DSP: variants seen among roughly 807,000 people sequenced by gnomAD.
DSP encodes 250/210 kDa paraneoplastic pemphigus antigen.
A neutral mutation model predicts 290.6 loss-of-function variants in DSP; 114 were observed. The observed-to-expected ratio is 0.39, with a 90% CI of 0.34 to 0.46. The LOEUF (loss-of-function observed/expected upper bound fraction) is 0.46, where lower values mean the gene tolerates loss of function less well. Ranked by LOEUF, DSP falls within the 20% of genes least tolerant of loss-of-function variation. The pLI, the probability that DSP is intolerant of heterozygous loss-of-function variation, is 0.99. For synonymous variants in DSP, 1,311 were observed against 1,316.4 expected (o/e 1.00, Z 0.09); for missense variants, 3,230 against 3,495.8 (o/e 0.92, Z 1.92).
At chr6:7,548,406 C>T (rs1758234034) in intron 1 of DSP, among the ~76,000 whole-genome samples, 1 of 152,216 alleles carries the variant, frequency 6.6e-6, no homozygotes, top group Admixed American at 6.5e-5. Flanking sequence ...GGTGTTCTAC[C>T]TGTCACAGAG....
At chr6:7,558,331 C>G in intron 3 of DSP, 67 bp downstream of exon 3, 1 of 1,565,526 alleles carries the variant, frequency 6.4e-7, no homozygotes. Flanking sequence ...CAGTTACACT[C>G]AATTCCATGA....
rs776712810 is a variant in DSP at position 7,581,196 on chromosome 6, T to C, written c.5006T>C (p.Leu1669Pro). Residue 1669 changes from leucine to proline, a missense_variant, in exon 23 of 24, where the codon CTC (leucine) becomes CCC (proline). Transcript: ENST00000379802. ...SEVEALRRQLLQEQESVKQAH... is the reference protein window; with the variant it reads ...SEVEALRRQLPQEQESVKQAH... ...GTCGAGGCCCTGAGGCGGCAGTTAC[T>C]CCAGGAACAGGAAAGTGTCAAACAA... 2 of 1,614,060 alleles carry C rather than the reference T, an allele frequency of 1.2e-6. No individual in the cohort carries two copies. The highest frequency in any genetic ancestry group is 8.5e-7 in the Non-Finnish European group (1 of 1,180,028).
intron 12 of DSP, among the ~76,000 whole-genome samples, chr6:7,569,581 T>G (rs897263268): frequency 1.3e-5 from 2 of 152,244 alleles, no homozygotes; most frequent in Non-Finnish European, 2.9e-5. Context: ...ATGCCTGTAA[T>G]CCCAGCACTT....
In DSP at chr6:7,574,483, G is replaced by C. The variant is rs1343143070; in HGVS notation, c.2298-174G>C. On this transcript the variant is annotated intron_variant, in intron 16 of 23. Coordinates refer to ENST00000379802, the MANE Select transcript of DSP (RefSeq NM_004415.4). The stretch of plus-strand genomic sequence containing the variant: ...TTATGCTCTAAGGGCCAGAACTTGA[G>C]AATTCTTCAGCGAATACAAAATGTT... 4.6e-5 allele frequency among the ~76,000 whole-genome samples: 7 copies of C among 152,166 alleles called. 1 individual carries two copies. Among genetic ancestry groups the C allele is most frequent in the Admixed American group, 3.3e-4 (5 of 15,286 alleles).
At chr6:7,575,032 G>C (rs1273354951) in intron 17 of DSP, among the ~76,000 whole-genome samples, 1 of 152,114 alleles carries the variant, frequency 6.6e-6, no homozygotes, top group African/African-American at 2.4e-5. Flanking sequence ...AGTTAAACTG[G>C]TTTCTTTACT....
Position 7,570,443 on chromosome 6 carries a change from G to A in DSP, c.1581G>A (p.Glu527=). Residue 527 remains glutamate, a synonymous_variant, in exon 13 of 24, where the codon GAG becomes GAA. Transcript: ENST00000379802. ...PLAVDLSCKI[E]QYYEAILALW... is the part of the protein sequence containing the mutation. Reference sequence around the variant, plus strand: ...TTCCCTTTGTGCCTCTTAGGATTGAGCAGTACTACGAAGCCATCTTGGCTC... The same window carrying A: ...TTCCCTTTGTGCCTCTTAGGATTGAACAGTACTACGAAGCCATCTTGGCTC... 1 of 1,614,162 alleles carries A rather than the reference G, an allele frequency of 6.2e-7. No individual in the cohort carries two copies. Among genetic ancestry groups the A allele is most frequent in the South Asian group, 1.1e-5 (1 of 91,082 alleles).
At chr6:7,581,948 G>A (rs932265459) in intron 23 of DSP, among the ~76,000 whole-genome samples, 6 of 151,984 alleles carry the variant, frequency 3.9e-5, no homozygotes, top group African/African-American at 1.2e-4. Flanking sequence ...ATACTAAAGT[G>A]TTTCCCTATG....
Position 7,574,594 on chromosome 6 carries a change from G to A in DSP, c.2298-63G>A, listed in dbSNP as rs1314232651. Reference sequence around the variant, plus strand: ...TTCCCTTTCATTACTAGCTGTGAGAGGCAAATCTTCACAGACTAATTATGT... The same window carrying A: ...TTCCCTTTCATTACTAGCTGTGAGAAGCAAATCTTCACAGACTAATTATGT... On this transcript the variant is annotated intron_variant, in intron 16 of 23. Transcript: ENST00000379802. 1.9e-6 allele frequency: 3 copies of A among 1,608,094 alleles called. No individual in the cohort carries two copies. The East Asian group carries it at 6.7e-5, about 36-fold the overall frequency.
intron 1 of DSP, among the ~76,000 whole-genome samples, chr6:7,542,697 C>T (rs1758037602): frequency 6.6e-6 from 1 of 152,168 alleles, no homozygotes; most frequent in African/African-American, 2.4e-5. Flanking sequence ...TTCCCCTGTC[C>T]GGGAAACGAA....
At chr6:7,563,512 G>T (rs1483826041) in intron 5 of DSP, among the ~76,000 whole-genome samples, 1 of 152,024 alleles carries the variant, frequency 6.6e-6, no homozygotes, top group Non-Finnish European at 1.5e-5. Flanking sequence ...CCCTGATCTG[G>T]GCTTTCCTTT....
chr6:7,585,542 C>T lies in DSP; in HGVS notation c.8280C>T (p.Ala2760=), dbSNP rs1203424345. Residue 2760 remains alanine (A), a synonymous_variant, in exon 24 of 24, where the codon GCC becomes GCT. Coordinates refer to ENST00000379802, the MANE Select transcript of DSP (RefSeq NM_004415.4). ...GGAAGGGGTTCATAGATGGCCGCGC[C>T]GCACAGAGGCTGCAAGACACCAGCA... ...AIRKGFIDGR[A]AQRLQDTSSY... 2.5e-6 allele frequency: 4 copies of T among 1,614,126 alleles called. No individual in the cohort carries two copies. The highest frequency in any genetic ancestry group is 2.2e-5 in the South Asian group (2 of 91,078).
intron 1 of DSP, among the ~76,000 whole-genome samples, chr6:7,544,200 C>A (rs1758104525): frequency 6.6e-6 from 1 of 152,230 alleles, no homozygotes; most frequent in Non-Finnish European, 1.5e-5. Context: ...CTGACCCAGC[C>A]TGCAGTGGTG....
At position 7,580,082 on chromosome 6, in the gene DSP, G is replaced by A; in HGVS notation, c.3892G>A (p.Val1298Ile). The A allele has an allele frequency of 1.2e-6, 2 of 1,614,086 alleles. No individual in the cohort carries two copies. The highest frequency in any genetic ancestry group is 1.7e-6 in the Non-Finnish European group (2 of 1,180,022). The change falls in exon 23 of 24, where the codon GTC (valine) becomes ATC (isoleucine). Residue 1298 changes from valine (V) to isoleucine (I), a missense_variant. Physicochemically the swap from Val to Ile is conservative, Grantham distance 29. This residue lies in a region of DSP where 1,714 missense variants were observed against 1,844.5 expected (regional missense o/e 0.93). Coordinates refer to ENST00000379802, the MANE Select transcript of DSP (RefSeq NM_004415.4). This position sits in a 1 kb window ranked among gnomAD's most constrained non-coding sequence, Gnocchi z 4.2. ...GCATCTGGAGATAGAACTGAAGCAGGTCATGCAGCAGCGCTCTGAGGACAA... is the reference window on the plus strand; with the variant it reads ...GCATCTGGAGATAGAACTGAAGCAGATCATGCAGCAGCGCTCTGAGGACAA... Reference protein sequence around the residue: ...KQHLEIELKQVMQQRSEDNAR... With the variant: ...KQHLEIELKQIMQQRSEDNAR...
Position 7,565,548 on chromosome 6 carries a change from G to T in DSP, c.939+28G>T, listed in dbSNP as rs1345506154. ...AAGTTCACCCCACGCGGCTGTAGAT[G>T]CTTGTCTTGAGCCTGTTGCCTTGAA... On this transcript the variant is annotated intron_variant, in intron 7 of 23. Coordinates refer to ENST00000379802, the MANE Select transcript of DSP (RefSeq NM_004415.4). The surrounding 1 kb of genome is among the most constrained non-coding windows in gnomAD (Gnocchi z 4.2). The T allele has an allele frequency of 6.2e-7, 1 of 1,613,636 alleles. No homozygotes were observed.
chr6:7,554,125 A>ACACACACC lies in DSP; in HGVS notation c.171-1592_171-1591insACACACCC, dbSNP rs772041102. ...CACACACACACACACACACACACACACCCAGTTGGTTAGACAGGCATCAGA... is the reference window on the plus strand; with the variant it reads ...CACACACACACACACACACACACACACACACACCCCCAGTTGGTTAGACAGGCATCAGA... On this transcript the variant is annotated intron_variant, in intron 1 of 23. Coordinates refer to ENST00000379802, the MANE Select transcript of DSP (RefSeq NM_004415.4). Among the ~76,000 whole-genome samples, 776 of 144,424 alleles carry ACACACACC rather than the reference A, an allele frequency of 5.4e-3. 8 individuals are homozygous for ACACACACC. The highest frequency in any genetic ancestry group is 0.019 in the African/African-American group (727 of 37,362). The allele number at this position is 144,424 out of a possible 152,430, so 94.7% of individuals were successfully genotyped here. A position where few individuals can be genotyped will look rare whatever the true frequency, so the allele number is the denominator to read the frequency against.
At chr6:7,550,144 TCATCTCAGCCTCC>T (rs1384873171) in intron 1 of DSP, among the ~76,000 whole-genome samples, 2 of 152,116 alleles carry the variant, frequency 1.3e-5, no homozygotes, top group Admixed American at 6.5e-5. Flanking sequence ...TTCAACCATC[TCATCTCAGCCTCC>T]CATCTCAGCC....
intron 2 of DSP, among the ~76,000 whole-genome samples, chr6:7,556,949 C>T (rs1448357150): frequency 6.6e-6 from 1 of 152,152 alleles, no homozygotes; most frequent in African/African-American, 2.4e-5. Context: ...ACTATGGATA[C>T]GTTTTACATG....
intron 1 of DSP, among the ~76,000 whole-genome samples, chr6:7,550,626 TA>T (rs200635304): frequency 2.6e-5 from 4 of 150,998 alleles, no homozygotes; most frequent in East Asian, 3.9e-4. Context: ...AGGATGAACT[TA>T]AAAAAAAAGT....
Position 7,578,325 on chromosome 6 carries a change from T to C in DSP, c.2986-139T>C, listed in dbSNP as rs1055380832. 3 of 746,696 alleles carry C rather than the reference T, an allele frequency of 4.0e-6. No homozygotes were observed. The Admixed American group carries it at 7.3e-5, about 18-fold the overall frequency. 46.3% of individuals were successfully genotyped at this position (746,696 alleles called of 1,614,324 possible). On this transcript the variant is annotated intron_variant, in intron 21 of 23. Transcript: ENST00000379802. ...TTTGTTTTGCTGTACTTTCTTTTGC[T>C]GATTTTGGAATGAACACACTAAAGA...
Sources: gnomAD v4.1 joint callset for allele counts (sites outside exome capture counted in the v4.1 genomes callset) on GRCh38, gnomAD v4.1.1 for gene constraint, gnomAD v4.1.1 regional missense constraint, Gnocchi (gnomAD v3.1) non-coding constraint, MANE v1.5 for transcripts, NCBI Gene and HGNC (gene_info 2026-07-23, HGNC 2026-07-21) for gene names.